GABRG3: variants seen among roughly 807,000 people sequenced by gnomAD.
The protein encoded by GABRG3 is gamma-aminobutyric acid receptor subunit gamma-3.
A neutral mutation model predicts 48.8 loss-of-function variants in GABRG3; 25 were observed. That is an observed-to-expected ratio of 0.51 (90% CI 0.37 to 0.72). The LOEUF is 0.72. Ranked by LOEUF, GABRG3 falls within the 30% of genes least tolerant of loss-of-function variation. GABRG3 has a pLI of 0.00. For missense variants in GABRG3, 394 were observed against 577.9 expected (o/e 0.68, Z 3.26); for synonymous variants, 227 against 217.6 (o/e 1.04, Z -0.38).
At chr15:27,123,700 GGAGT>G (rs1471476863) in intron 3 of GABRG3, among the ~76,000 whole-genome samples, 1 of 152,158 alleles carries the variant, frequency 6.6e-6, no homozygotes, top group East Asian at 1.9e-4. Context: ...TAGCACAGTG[GGAGT>G]GATAAAAATG....
intron 5 of GABRG3, among the ~76,000 whole-genome samples, chr15:27,381,512 A>G (rs1895776094): frequency 6.6e-6 from 1 of 152,168 alleles, no homozygotes; most frequent in South Asian, 2.1e-4. Flanking sequence ...ATTACAGTTT[A>G]GGTTTTCTCA....
chr15:26,977,398 C>T (rs1326916495), intron 2 of GABRG3, among the ~76,000 whole-genome samples: 1 of 152,128 alleles, frequency 6.6e-6, no homozygotes, highest in Non-Finnish European at 1.5e-5. Flanking sequence ...AGTCAAGATA[C>T]AGAACTCCTT....
intron 3 of GABRG3, among the ~76,000 whole-genome samples, chr15:27,225,914 G>A (rs1889597875): frequency 6.6e-6 from 1 of 152,154 alleles, no homozygotes; most frequent in African/African-American, 2.4e-5. Context: ...CCAGATGAGA[G>A]ACCCAGAGCC....
At chr15:27,399,694 T>C (rs1887421497) in intron 5 of GABRG3, among the ~76,000 whole-genome samples, 1 of 152,222 alleles carries the variant, frequency 6.6e-6, no homozygotes, top group Non-Finnish European at 1.5e-5. Flanking sequence ...AACCGTCGTC[T>C]GTACTTGCTA....
Position 26,974,098 on chromosome 15 carries a change from G to C in GABRG3, c.53+2510G>C, listed in dbSNP as rs77611234. 1.3e-5 allele frequency among the ~76,000 whole-genome samples: 2 copies of C among 152,110 alleles called. No homozygotes were observed. The highest frequency in any genetic ancestry group is 4.8e-5 in the African/African-American group (2 of 41,446). On this transcript the variant is annotated intron_variant, in intron 1 of 9. Transcript: ENST00000615808. This position sits in a 1 kb window ranked among gnomAD's most constrained non-coding sequence, Gnocchi z 4.3. ...CTTCTATTTCATTTTCAGGATTTGA[G>C]GGAGAAGGGTGCTCACTGCCCAGGG...
Position 27,147,335 on chromosome 15 carries a change from G to A in GABRG3, c.270+120514G>A, listed in dbSNP as rs137926793. On this transcript the variant is annotated intron_variant, in intron 3 of 9. Coordinates refer to ENST00000615808, the MANE Select transcript of GABRG3 (RefSeq NM_033223.5). Reference sequence around the variant, plus strand: ...GAAGCAAAAATTGACAGAATTGGAGGTAGAAATACATAATGCTAAAATAGT... The same window carrying A: ...GAAGCAAAAATTGACAGAATTGGAGATAGAAATACATAATGCTAAAATAGT... 2.3e-3 allele frequency among the ~76,000 whole-genome samples: 349 copies of A among 152,098 alleles called. 2 individuals carry two copies. In the Middle Eastern group the frequency reaches 0.024, roughly 10 times the overall value.
At chr15:27,426,292 G>C (rs111310436) in intron 5 of GABRG3, among the ~76,000 whole-genome samples, 2,031 of 152,198 alleles carry the variant, frequency 0.013, 34 homozygotes, top group African/African-American at 0.047. Flanking sequence ...TGTTAAGCCT[G>C]GTTTATAATG....
intron 3 of GABRG3, among the ~76,000 whole-genome samples, chr15:27,237,133 G>A (rs1889999191): frequency 6.6e-6 from 1 of 152,228 alleles, no homozygotes; most frequent in Admixed American, 6.5e-5. Flanking sequence ...AGAACATGAA[G>A]CCTAGAATGG....
chr15:27,055,355 T>A (rs1896527814), intron 3 of GABRG3, among the ~76,000 whole-genome samples: 1 of 152,236 alleles, frequency 6.6e-6, no homozygotes, highest in South Asian at 2.1e-4. Context: ...GTTCTAAAGC[T>A]ATCATTATTT....
At chr15:27,384,056 G>A (rs1050160002) in intron 5 of GABRG3, among the ~76,000 whole-genome samples, 11 of 152,040 alleles carry the variant, frequency 7.2e-5, no homozygotes, top group Non-Finnish European at 1.2e-4. Flanking sequence ...GCTATTTTTC[G>A]GTTAATTAAT....
At chr15:27,250,825 G>A (rs1482824415) in intron 3 of GABRG3, among the ~76,000 whole-genome samples, 1 of 152,180 alleles carries the variant, frequency 6.6e-6, no homozygotes, top group Admixed American at 6.5e-5. Context: ...TGCAGAGGCT[G>A]AGGCCACCAG....
rs1891647596 is a variant in GABRG3 at position 27,540,821 on chromosome 15, T to C, written c.*7940T>C. ...AGCAAGAGGCCATCTTGTGTTTACA[T>C]GCAGTGGTCTGTGTATTTGTGTCTG... On this transcript the variant is annotated 3_prime_UTR_variant, in exon 10 of 10. Transcript: ENST00000615808. The C allele has an allele frequency of 6.6e-6, 1 of 152,234 alleles. No homozygotes were observed. The highest frequency in any genetic ancestry group is 2.1e-4 in the South Asian group (1 of 4,828). 9.4% of individuals were successfully genotyped at this position (152,234 alleles called of 1,614,324 possible).
chr15:27,384,055 C>T (rs932683846), intron 5 of GABRG3, among the ~76,000 whole-genome samples: 26 of 152,084 alleles, frequency 1.7e-4, no homozygotes, highest in African/African-American at 5.3e-4. Context: ...TGCTATTTTT[C>T]GGTTAATTAA....
At chr15:27,108,945 C>G (rs1897497217) in intron 3 of GABRG3, among the ~76,000 whole-genome samples, 1 of 152,130 alleles carries the variant, frequency 6.6e-6, no homozygotes. Context: ...TAGGAAAATG[C>G]TCATAATAAA....
At chr15:27,196,653 CTG>C (rs1335484043) in intron 3 of GABRG3, among the ~76,000 whole-genome samples, 15 of 152,206 alleles carry the variant, frequency 9.9e-5, no homozygotes, top group Admixed American at 9.8e-4. Context: ...GTGGCAGGCA[CTG>C]TGTTATGTCC....
rs762621152 is a variant in GABRG3 at position 27,180,464 on chromosome 15, A to G, written c.271-146345A>G. ...ACACTCGGGACTCTCTGCCTACCCT[A>G]TGCTTGCACTAGATTCATCACGAAG... On this transcript the variant is annotated intron_variant, in intron 3 of 9. Transcript: ENST00000615808. The surrounding 1 kb of genome is among the most constrained non-coding windows in gnomAD (Gnocchi z 4.2). Among the ~76,000 whole-genome samples the G allele has an allele frequency of 3.9e-5, 6 of 151,932 alleles. No homozygotes were observed. Among genetic ancestry groups the G allele is most frequent in the African/African-American group, 7.3e-5 (3 of 41,364 alleles).
chr15:27,092,573 C>T (rs1897206397), intron 3 of GABRG3, among the ~76,000 whole-genome samples: 1 of 152,168 alleles, frequency 6.6e-6, no homozygotes, highest in African/African-American at 2.4e-5. Flanking sequence ...GGCTCTGTGT[C>T]GTGTTGCCCC....
chr15:27,120,664 C>A lies in GABRG3; in HGVS notation c.270+93843C>A, dbSNP rs569733377. Among the ~76,000 whole-genome samples the A allele has an allele frequency of 7.2e-5, 11 of 152,192 alleles. 1 individual carries two copies. In the South Asian group the frequency reaches 2.1e-3, roughly 29 times the overall value. On this transcript the variant is annotated intron_variant, in intron 3 of 9. Transcript: ENST00000615808. ...GCTCCTGGACTGGGCTCCTAGTAAG[C>A]AGGCTGCTGGCTGTCATTGCCAACC...
At chr15:27,069,259 T>G (rs1896787573) in intron 3 of GABRG3, among the ~76,000 whole-genome samples, 1 of 152,144 alleles carries the variant, frequency 6.6e-6, no homozygotes, top group African/African-American at 2.4e-5. Flanking sequence ...TAAAGTCAAG[T>G]ATAATTTTGG....
Sources: allele counts gnomAD v4.1 joint callset (sites outside exome capture counted in the v4.1 genomes callset), GRCh38; gene constraint gnomAD v4.1.1; non-coding constraint Gnocchi (gnomAD v3.1); transcripts MANE v1.5; gene names NCBI Gene and HGNC (gene_info 2026-07-23, HGNC 2026-07-21).